STAG1: variants seen among roughly 807,000 people sequenced by gnomAD.
The protein encoded by STAG1 is STAG1 cohesin complex component.
Under a neutral mutation model 170.9 loss-of-function variants are expected in STAG1, and 26 were observed. The ratio of observed to expected loss-of-function variants is 0.15; its 90% CI spans 0.11 to 0.21. The LOEUF (loss-of-function observed/expected upper bound fraction) is 0.21, where lower values mean the gene tolerates loss of function less well. Ranked by LOEUF, STAG1 falls within the 10% of genes least tolerant of loss-of-function variation. The pLI is 1.00. For missense variants in STAG1, 964 were observed against 1,509.5 expected (o/e 0.64, Z 5.99); for synonymous variants, 514 against 497.7 (o/e 1.03, Z -0.44).
chr3:136,666,108 A>AAG (rs1559938951), intron 1 of STAG1, among the ~76,000 whole-genome samples: 2 of 141,348 alleles, frequency 1.4e-5, no homozygotes, highest in East Asian at 2.1e-4. Flanking sequence ...AAAAAAAAAA[A>AAG]AAAGAAAGAA....
chr3:136,463,790 C>CACACACACACACAT (rs780473277), intron 13 of STAG1, among the ~76,000 whole-genome samples: 1 of 135,774 alleles, frequency 7.4e-6, no homozygotes, highest in Admixed American at 7.4e-5. Context: ...CACACACACA[C>CACACACACACACAT]ATATACATAT....
intron 1 of STAG1, among the ~76,000 whole-genome samples, chr3:136,664,215 A>C (rs1323640636): frequency 6.6e-6 from 1 of 152,212 alleles, no homozygotes; most frequent in Admixed American, 6.5e-5. Context: ...AAGTGAAGCT[A>C]TGTCCTATTT....
chr3:136,521,504 C>A (rs1934668763), intron 6 of STAG1, 87 bp from the exon 7 acceptor site: 2 of 1,129,574 alleles, frequency 1.8e-6, no homozygotes, highest in Non-Finnish European at 1.3e-6. Flanking sequence ...ACATAGGAAC[C>A]CTTTTTTGCA....
chr3:136,743,368 C>CAAA (rs796201068), intron 1 of STAG1, among the ~76,000 whole-genome samples: 17 of 124,856 alleles, frequency 1.4e-4, no homozygotes, highest in Non-Finnish European at 6.8e-5. Flanking sequence ...AACTCCTTCT[C>CAAA]AAAAAAAAAA....
chr3:136,401,094 A>T (rs932397799), intron 21 of STAG1, among the ~76,000 whole-genome samples: 1 of 152,194 alleles, frequency 6.6e-6, no homozygotes, highest in Non-Finnish European at 1.5e-5. Flanking sequence ...CCACCTGTAC[A>T]CTTGCAAGAG....
intron 15 of STAG1, among the ~76,000 whole-genome samples, chr3:136,441,653 C>T (rs112283257): frequency 5.9e-5 from 9 of 152,150 alleles, no homozygotes; most frequent in African/African-American, 1.7e-4. Flanking sequence ...CTCACTCTCC[C>T]GGTAATCTGC....
At chr3:136,737,072 G>A in intron 1 of STAG1, 1 of 1,146,728 alleles carries the variant, frequency 8.7e-7, no homozygotes, top group South Asian at 1.2e-5. Context: ...CAAATGGGGT[G>A]AAACTGAAGT....
rs141510982 is a variant in STAG1, at chr3:136,440,301, C to T, written c.1546+2986G>A. On this transcript the variant is annotated intron_variant, in intron 15 of 33. Coordinates refer to ENST00000383202, the MANE Select transcript of STAG1 (RefSeq NM_005862.3). ...TACAGGCGCCCGCCACCAGGCCTGG[C>T]TAATTTTTCATATTTTTAGTAGAAA... 6.4e-3 allele frequency among the ~76,000 whole-genome samples: 974 copies of T among 152,096 alleles called. 12 individuals are homozygous for T. The highest frequency in any genetic ancestry group is 0.022 in the African/African-American group (924 of 41,484).
chr3:136,515,326 C>T (rs1934308847), intron 7 of STAG1, among the ~76,000 whole-genome samples: 2 of 152,132 alleles, frequency 1.3e-5, no homozygotes, highest in Non-Finnish European at 1.5e-5. Context: ...GATTGTGCCA[C>T]AGCACTCCAG....
At chr3:136,496,967 T>G (rs1484383607) in intron 9 of STAG1, among the ~76,000 whole-genome samples, 1 of 151,596 alleles carries the variant, frequency 6.6e-6, no homozygotes, top group Non-Finnish European at 1.5e-5. Flanking sequence ...TATGACCAAC[T>G]TTATGCTGAT....
At chr3:136,657,210 T>C (rs1941413635) in intron 1 of STAG1, among the ~76,000 whole-genome samples, 1 of 146,422 alleles carries the variant, frequency 6.8e-6, no homozygotes, top group Non-Finnish European at 1.5e-5. Context: ...TTTTTTTTTT[T>C]TTTTTTGAGA....
intron 2 of STAG1, among the ~76,000 whole-genome samples, chr3:136,623,637 A>T (rs148539763): frequency 5.2e-4 from 79 of 152,308 alleles, no homozygotes; most frequent in African/African-American, 1.9e-3. Context: ...TCAAAAAAAA[A>T]ATACAAACAC....
chr3:136,620,590 T>A (rs1234282167), intron 3 of STAG1, among the ~76,000 whole-genome samples: 1 of 152,190 alleles, frequency 6.6e-6, no homozygotes, highest in Non-Finnish European at 1.5e-5. Context: ...GTGTGAGGAT[T>A]AAATAACATA....
chr3:136,412,727 G>C (rs1944953859), intron 21 of STAG1, among the ~76,000 whole-genome samples: 2 of 151,938 alleles, frequency 1.3e-5, no homozygotes, highest in Admixed American at 6.6e-5. Context: ...AAAATGTCAT[G>C]AAACAAAAAG....
At chr3:136,670,774 G>GT (rs987944454) in intron 1 of STAG1, among the ~76,000 whole-genome samples, 1 of 151,916 alleles carries the variant, frequency 6.6e-6, no homozygotes, top group African/African-American at 2.4e-5. Flanking sequence ...GCCCGGACTT[G>GT]TTTTTTCTTT....
chr3:136,737,003 A>C (rs1260835930), intron 1 of STAG1: 1 of 1,591,056 alleles, frequency 6.3e-7, no homozygotes, highest in East Asian at 2.2e-5. Flanking sequence ...GGATGCACCA[A>C]GATGGATAAC....
chr3:136,454,444 T>G (rs943409757), intron 13 of STAG1, among the ~76,000 whole-genome samples: 1 of 152,006 alleles, frequency 6.6e-6, no homozygotes, highest in African/African-American at 2.4e-5. Flanking sequence ...AATGGCATGA[T>G]CTCTGCTTAC....
chr3:136,402,370 A>G (rs1229017190), intron 21 of STAG1, among the ~76,000 whole-genome samples: 5 of 150,646 alleles, frequency 3.3e-5, no homozygotes, highest in East Asian at 2.1e-4. Flanking sequence ...GGTGCGTGCC[A>G]CCACACCCGG....
At chr3:136,526,566 C>T (rs1346668442) in intron 6 of STAG1, among the ~76,000 whole-genome samples, 1 of 152,138 alleles carries the variant, frequency 6.6e-6, no homozygotes, top group Non-Finnish European at 1.5e-5. Context: ...CAGTCTGTGT[C>T]TTTTAATTGG....
Sources: gnomAD v4.1 joint callset for allele counts (sites outside exome capture counted in the v4.1 genomes callset) on GRCh38, gnomAD v4.1.1 for gene constraint, MANE v1.5 for transcripts, NCBI Gene and HGNC (gene_info 2026-07-23, HGNC 2026-07-21) for gene names.